NSD2: variants seen among roughly 807,000 people sequenced by gnomAD.
The protein encoded by NSD2 is histone-lysine N-methyltransferase NSD2.
In NSD2, 12 loss-of-function variants were observed where a neutral mutation model predicts 139.0. The observed-to-expected ratio is 0.09, with a 90% CI of 0.06 to 0.14. NSD2 has a LOEUF of 0.14. Among genes scored for constraint, NSD2 ranks in the 10% least tolerant of loss-of-function variants. The pLI, the probability that NSD2 is intolerant of heterozygous loss-of-function variation, is 1.00. For missense variants in NSD2, 1,155 were observed against 1,745.0 expected (o/e 0.66, Z 6.02); for synonymous variants, 669 against 648.7 (o/e 1.03, Z -0.48).
At position 1,953,987 on chromosome 4, in the gene NSD2, A is replaced by ATTTTTTTT. The variant is rs750322460; in HGVS notation, c.2338+469_2338+476dup. 7.8e-3 allele frequency among the ~76,000 whole-genome samples: 1,042 copies of ATTTTTTTT among 133,238 alleles called. 11 individuals carry two copies. Among genetic ancestry groups the ATTTTTTTT allele is most frequent in the African/African-American group, 0.028 (1,005 of 35,668 alleles). 87.4% of individuals were successfully genotyped at this position (133,238 alleles called of 152,430 possible). A position where few individuals can be genotyped will look rare whatever the true frequency, so the allele number is the denominator to read the frequency against. On this transcript the variant is annotated intron_variant, in intron 12 of 21. Transcript: ENST00000508803. ...CACCACACCTGGCTGATTTTTGTAA[A>ATTTTTTTT]TTTTTTTTTTTTTGGAGAAAAAAAA... is the stretch of plus-strand genomic sequence containing the variant.
intron 1 of NSD2, among the ~76,000 whole-genome samples, chr4:1,879,063 A>G (rs969896613): frequency 6.6e-6 from 1 of 152,070 alleles, no homozygotes; most frequent in African/African-American, 2.4e-5. Context: ...GATCTCACCT[A>G]CCTGCCTAAA....
chr4:1,976,549 G>A lies in NSD2; in HGVS notation c.3696G>A (p.Gly1232=). ...AAACGAGGCGGCGCAGAGCAAAAGGGGAAGGGAAGAGGCAGTCAGAGGACG... is the reference window on the plus strand; with the variant it reads ...AAACGAGGCGGCGCAGAGCAAAAGGAGAAGGGAAGAGGCAGTCAGAGGACG... ...KKKTRRRRAK[G]EGKRQSEDEC... The change falls in exon 21 of 22, where the codon GGG becomes GGA. Residue 1232 remains glycine (G), a synonymous_variant. Coordinates refer to ENST00000508803, the MANE Select transcript of NSD2 (RefSeq NM_001042424.3). The surrounding 1 kb of genome is among the most constrained non-coding windows in gnomAD (Gnocchi z 5.3). 2 of 1,613,942 alleles carry A rather than the reference G, an allele frequency of 1.2e-6. No homozygotes were observed. Among genetic ancestry groups the A allele is most frequent in the South Asian group, 1.1e-5 (1 of 91,008 alleles).
At chr4:1,875,280 C>CTT (rs749123768) in intron 1 of NSD2, among the ~76,000 whole-genome samples, 3 of 126,592 alleles carry the variant, frequency 2.4e-5, no homozygotes, top group Non-Finnish European at 1.7e-5. Context: ...TAGCTTTTTA[C>CTT]TTTTTTTTTT....
chr4:1,925,043 G>C (rs1720682662), intron 5 of NSD2, among the ~76,000 whole-genome samples: 2 of 152,176 alleles, frequency 1.3e-5, no homozygotes, highest in Admixed American at 1.3e-4. Context: ...ACTCTGGCTG[G>C]GTGGTTTTGA....
intron 7 of NSD2, among the ~76,000 whole-genome samples, chr4:1,936,232 G>A (rs748801371): frequency 2.0e-5 from 3 of 152,228 alleles, no homozygotes; most frequent in Non-Finnish European, 2.9e-5. Context: ...AGCGTATGGT[G>A]CCCATGCATG....
chr4:1,902,158 C>T (rs952297192), intron 2 of NSD2, among the ~76,000 whole-genome samples: 7 of 152,130 alleles, frequency 4.6e-5, no homozygotes, highest in African/African-American at 9.7e-5. Flanking sequence ...GTTAAAAAAA[C>T]GTTTTTTGAT....
chr4:1,876,480 TAGG>T (rs1560540103), intron 1 of NSD2, among the ~76,000 whole-genome samples: 1 of 152,062 alleles, frequency 6.6e-6, no homozygotes, highest in African/African-American at 2.4e-5. Flanking sequence ...CACTTGAGAC[TAGG>T]AGTTTGACAC....
At chr4:1,887,661 G>A (rs945990275) in intron 1 of NSD2, 1 of 152,212 alleles carries the variant, frequency 6.6e-6, no homozygotes, top group Non-Finnish European at 1.5e-5. Context: ...TTTGTTGGCT[G>A]TTTTTAATCT....
chr4:1,945,645 C>T (rs1017440409), intron 9 of NSD2: 37 of 1,063,950 alleles, frequency 3.5e-5, no homozygotes, highest in Non-Finnish European at 4.0e-5. Context: ...TGTGTCCCGG[C>T]ATGGAAGCCA....
intron 1 of NSD2, among the ~76,000 whole-genome samples, chr4:1,893,398 G>A (rs1577372611): frequency 6.6e-6 from 1 of 152,290 alleles, no homozygotes; most frequent in Middle Eastern, 3.4e-3. Flanking sequence ...TGAACCCAGC[G>A]GCAGAGGCTG....
chr4:1,978,461 C>T (rs893848805), intron 21 of NSD2, among the ~76,000 whole-genome samples, 177 bp from the exon 22 acceptor site: 1 of 152,180 alleles, frequency 6.6e-6, no homozygotes, highest in African/African-American at 2.4e-5. Context: ...GTCAACAGGC[C>T]CTGCCAGGGA....
chr4:1,950,312 G>A (rs1439229506), intron 9 of NSD2, among the ~76,000 whole-genome samples: 2 of 152,180 alleles, frequency 1.3e-5, no homozygotes, highest in African/African-American at 4.8e-5. Flanking sequence ...GATACAACCT[G>A]CGAGCAATTC....
chr4:1,886,941 C>T (rs1295701830), intron 1 of NSD2, among the ~76,000 whole-genome samples: 1 of 152,116 alleles, frequency 6.6e-6, no homozygotes, highest in Non-Finnish European at 1.5e-5. Context: ...TTTCTTAACC[C>T]GCCCCCTCTT....
At chr4:1,945,723 C>T (rs1723557097) in intron 9 of NSD2, 1 of 1,063,544 alleles carries the variant, frequency 9.4e-7, no homozygotes, top group African/African-American at 1.6e-5. Flanking sequence ...AAAGGGTTGC[C>T]TTGGCAGCAG....
chr4:1,951,225 C>T, intron 10 of NSD2, 22 bp downstream of exon 10: 2 of 1,613,722 alleles, frequency 1.2e-6, no homozygotes, highest in Non-Finnish European at 8.5e-7. Flanking sequence ...GCAGCATCCG[C>T]TATGTCCGTG....
At position 1,949,620 on chromosome 4, in the gene NSD2, G is replaced by C. The variant is rs188395121; in HGVS notation, c.1882-1452G>C. 3.7e-4 allele frequency among the ~76,000 whole-genome samples: 57 copies of C among 152,232 alleles called. No homozygotes were observed. The East Asian group carries it at 0.01, about 28-fold the overall frequency. ...TACTAAAAATACAAAAAATTTAGCC[G>C]GACTTGTTGGCAGGTGCCTGTAATA... On this transcript the variant is annotated intron_variant, in intron 9 of 21. Transcript: ENST00000508803.
chr4:1,967,493 G>A (rs867403681), intron 18 of NSD2, among the ~76,000 whole-genome samples: 1 of 151,872 alleles, frequency 6.6e-6, no homozygotes, highest in Non-Finnish European at 1.5e-5. Context: ...CAGGAGAATC[G>A]CTTGAACCTG....
At chr4:1,877,979 C>T (rs1040147640) in intron 1 of NSD2, among the ~76,000 whole-genome samples, 2 of 151,892 alleles carry the variant, frequency 1.3e-5, no homozygotes, top group African/African-American at 2.4e-5. Context: ...CAGGGAACCA[C>T]GATTATGCCA....
At chr4:1,950,955 C>T in intron 9 of NSD2, 117 bp from the exon 10 acceptor site, 1 of 1,361,560 alleles carries the variant, frequency 7.3e-7, no homozygotes, top group South Asian at 1.3e-5. Flanking sequence ...GGTACAGGAC[C>T]AGTGCTGAGA....
Sources: gnomAD v4.1 joint callset for allele counts (sites outside exome capture counted in the v4.1 genomes callset) on GRCh38, gnomAD v4.1.1 for gene constraint, Gnocchi (gnomAD v3.1) non-coding constraint, MANE v1.5 for transcripts, NCBI Gene and HGNC (gene_info 2026-07-23, HGNC 2026-07-21) for gene names.